CSMD3: variants seen among roughly 807,000 people sequenced by gnomAD.
CSMD3 encodes the protein CUB and Sushi multiple domains 3.
In CSMD3, 177 loss-of-function variants were observed where a neutral mutation model predicts 435.2. The observed-to-expected ratio is 0.41, with a 90% CI of 0.36 to 0.46. CSMD3 has a LOEUF of 0.46. Ranked by LOEUF, CSMD3 falls within the 20% of genes least tolerant of loss-of-function variation. The probability of loss-of-function intolerance (pLI) is 0.34; values close to 1 mark genes in which losing one functional copy is unlikely to be tolerated. For missense variants in CSMD3, 4,265 were observed against 4,504.6 expected (o/e 0.95, Z 1.52); for synonymous variants, 1,656 against 1,520.5 (o/e 1.09, Z -2.07).
At chr8:112,388,221 A>G (rs1345513296) in intron 36 of CSMD3, among the ~76,000 whole-genome samples, 1 of 152,170 alleles carries the variant, frequency 6.6e-6, no homozygotes, top group Non-Finnish European at 1.5e-5. Flanking sequence ...ATGAGAACAG[A>G]GCACAACGGC....
chr8:112,682,384 G>C, intron 16 of CSMD3, 58 bp downstream of exon 16: 2 of 1,234,508 alleles, frequency 1.6e-6, no homozygotes, highest in South Asian at 1.2e-5. Context: ...GTTTCTTGTT[G>C]TGGTTTCTTG....
chr8:113,128,550 C>T (rs1455888132), intron 4 of CSMD3, among the ~76,000 whole-genome samples: 1 of 151,764 alleles, frequency 6.6e-6, no homozygotes, highest in Non-Finnish European at 1.5e-5. Context: ...TAAAATTATA[C>T]AGAGAAGGAA....
intron 13 of CSMD3, among the ~76,000 whole-genome samples, chr8:112,691,189 T>C (rs1211249921): frequency 6.6e-6 from 1 of 152,190 alleles, no homozygotes; most frequent in African/African-American, 2.4e-5. Flanking sequence ...TTAGAGATAC[T>C]ATTGAACATC....
At chr8:113,211,210 A>G (rs73346394) in intron 3 of CSMD3, among the ~76,000 whole-genome samples, 4,493 of 152,276 alleles carry the variant, frequency 0.03, 236 homozygotes, top group African/African-American at 0.1. Context: ...TAAATACATA[A>G]TAGAGAATAA....
intron 38 of CSMD3, among the ~76,000 whole-genome samples, chr8:112,367,759 C>A (rs1227512917): frequency 2.6e-5 from 4 of 152,070 alleles, no homozygotes; most frequent in African/African-American, 9.7e-5. Flanking sequence ...CTTTAAAATT[C>A]AAAACTTTTG....
intron 4 of CSMD3, among the ~76,000 whole-genome samples, chr8:113,106,376 A>G (rs2090477709): frequency 6.6e-6 from 1 of 152,316 alleles, no homozygotes; most frequent in South Asian, 2.1e-4. Flanking sequence ...AGTACAAAAG[A>G]AAACACAGTG....
At chr8:113,325,219 G>A (rs890362550) in intron 1 of CSMD3, among the ~76,000 whole-genome samples, 6 of 152,094 alleles carry the variant, frequency 3.9e-5, no homozygotes, top group Non-Finnish European at 8.8e-5. Context: ...TGAAATATGA[G>A]GACATGATAT....
chr8:113,279,249 C>A (rs1387829786), intron 2 of CSMD3, among the ~76,000 whole-genome samples: 2 of 144,882 alleles, frequency 1.4e-5, no homozygotes, highest in South Asian at 2.2e-4. Context: ...TACAAGAGAC[C>A]GAGAAGAATT....
chr8:112,361,370 C>A (rs1462200192), intron 38 of CSMD3, among the ~76,000 whole-genome samples: 1 of 151,460 alleles, frequency 6.6e-6, no homozygotes, highest in African/African-American at 2.4e-5. Context: ...TGATTGCAGG[C>A]AGTTACCCTG....
intron 4 of CSMD3, among the ~76,000 whole-genome samples, chr8:113,145,685 A>G (rs181012675): frequency 6.6e-6 from 1 of 151,730 alleles, no homozygotes; most frequent in Admixed American, 6.6e-5. Context: ...AAAACATTGT[A>G]TATTACCTGG....
At chr8:113,009,613 G>A (rs1233513364) in intron 6 of CSMD3, among the ~76,000 whole-genome samples, 1 of 151,786 alleles carries the variant, frequency 6.6e-6, no homozygotes, top group African/African-American at 2.4e-5. Flanking sequence ...GGAGTCTCAT[G>A]TTAGTTATGA....
chr8:112,813,615 T>G (rs1253952597), intron 12 of CSMD3, among the ~76,000 whole-genome samples: 2 of 152,048 alleles, frequency 1.3e-5, no homozygotes, highest in African/African-American at 4.8e-5. Context: ...GTTTATAGCT[T>G]TCTTGGGGAA....
At chr8:113,298,594 A>G (rs1021131424) in intron 2 of CSMD3, among the ~76,000 whole-genome samples, 27 of 152,182 alleles carry the variant, frequency 1.8e-4, no homozygotes, top group African/African-American at 6.3e-4. Flanking sequence ...GCTTATTTTA[A>G]TATTCTCTTA....
chr8:112,693,622 C>A (rs1346810012), intron 13 of CSMD3, among the ~76,000 whole-genome samples: 1 of 151,882 alleles, frequency 6.6e-6, no homozygotes, highest in Non-Finnish European at 1.5e-5. Context: ...TAAATATACT[C>A]ATTTTTAAAT....
At chr8:113,101,127 C>T (rs2090317640) in intron 4 of CSMD3, among the ~76,000 whole-genome samples, 2 of 152,158 alleles carry the variant, frequency 1.3e-5, no homozygotes, top group Non-Finnish European at 2.9e-5. Flanking sequence ...GATTCTTTCA[C>T]TCATAGGCCC....
rs146643540 is a variant in CSMD3, at chr8:112,437,587, G to GTATATA, written c.5396-28561_5396-28556dup. Among the ~76,000 whole-genome samples the GTATATA allele has an allele frequency of 2.0e-5, 3 of 151,600 alleles. No homozygotes were observed. The South Asian group carries it at 6.2e-4, about 32-fold the overall frequency. ...GCCATATATATATGTGTGTGTGTATGTATATATATATACACAGATCTGAAT... is the reference window on the plus strand; with the variant it reads ...GCCATATATATATGTGTGTGTGTATGTATATATATATATATATACACAGATCTGAAT... On this transcript the variant is annotated intron_variant, in intron 32 of 70. Coordinates refer to ENST00000297405, the MANE Select transcript of CSMD3 (RefSeq NM_198123.2).
intron 1 of CSMD3, chr8:113,376,585 T>A (rs989956509): frequency 1.5e-5 from 11 of 743,316 alleles, no homozygotes; most frequent in African/African-American, 3.6e-5. Context: ...TATAAAAAAA[T>A]TGATATCCAA....
At chr8:113,424,772 G>A (rs1222827804) in intron 1 of CSMD3, among the ~76,000 whole-genome samples, 1 of 151,424 alleles carries the variant, frequency 6.6e-6, no homozygotes, top group African/African-American at 2.4e-5. Flanking sequence ...ATTACATTAG[G>A]TTAAATTGCA....
chr8:113,277,053 G>A (rs1188409465), intron 3 of CSMD3, among the ~76,000 whole-genome samples: 1 of 151,918 alleles, frequency 6.6e-6, no homozygotes, highest in Non-Finnish European at 1.5e-5. Context: ...AATATATTTA[G>A]TACTTCCTGA....
Sources: allele counts gnomAD v4.1 joint callset (sites outside exome capture counted in the v4.1 genomes callset), GRCh38; gene constraint gnomAD v4.1.1; transcripts MANE v1.5; gene names NCBI Gene and HGNC (gene_info 2026-07-23, HGNC 2026-07-21).